Variants in METTL15 observed in about 807,000 individuals in gnomAD.
METTL15 encodes the protein methyltransferase 15, mitochondrial 12S rRNA N4-cytidine.
A neutral mutation model predicts 38.3 loss-of-function variants in METTL15; 34 were observed. The observed-to-expected ratio is 0.89, with a 90% CI of 0.68 to 1.18. The LOEUF is 1.18. Among genes scored for constraint, METTL15 ranks in the 50% most tolerant of loss-of-function variants. The pLI, the probability that METTL15 is intolerant of heterozygous loss-of-function variation, is 0.00. For synonymous variants in METTL15, 162 were observed against 170.9 expected, an observed-to-expected ratio of 0.95 and a Z score of 0.41; for missense variants, 438 against 498.4, an observed-to-expected ratio of 0.88 and a Z score of 1.15.
intron 3 of METTL15, among the ~76,000 whole-genome samples, chr11:28,138,353 T>TA (rs1849583486): frequency 6.6e-6 from 1 of 152,194 alleles, no homozygotes; most frequent in Non-Finnish European, 1.5e-5. Context: ...CCACTTTAAA[T>TA]TAAGCTGAGT....
At chr11:28,305,243 C>T (rs1857042760) in intron 6 of METTL15, among the ~76,000 whole-genome samples, 1 of 152,026 alleles carries the variant, frequency 6.6e-6, no homozygotes, top group African/African-American at 2.4e-5. Flanking sequence ...GTAACTTTTC[C>T]TAAAAAAGTC....
chr11:28,423,536 A>G (rs1446167985), intron 5 of METTL15, among the ~76,000 whole-genome samples: 2 of 152,096 alleles, frequency 1.3e-5, no homozygotes, highest in Non-Finnish European at 2.9e-5. Flanking sequence ...AAATAATGAG[A>G]CCCTATCATT....
chr11:28,316,958 C>G (rs1437184560), intron 6 of METTL15, among the ~76,000 whole-genome samples: 1 of 152,096 alleles, frequency 6.6e-6, no homozygotes, highest in Non-Finnish European at 1.5e-5. Flanking sequence ...TCGGGTACGT[C>G]TTTATCAGCA....
intron 5 of METTL15, among the ~76,000 whole-genome samples, chr11:28,392,762 G>A (rs947079187): frequency 3.3e-5 from 5 of 151,866 alleles, no homozygotes; most frequent in African/African-American, 1.2e-4. Context: ...TGTTTGAAAA[G>A]GGGTCAATAT....
At chr11:28,276,600 T>C (rs1234026629) in intron 4 of METTL15, among the ~76,000 whole-genome samples, 1 of 152,132 alleles carries the variant, frequency 6.6e-6, no homozygotes, top group East Asian at 1.9e-4. Flanking sequence ...CTAAAACTCA[T>C]GTGGAACCAA....
intron 6 of METTL15, among the ~76,000 whole-genome samples, chr11:28,443,846 A>G (rs1412727860): frequency 2.0e-5 from 3 of 152,180 alleles, no homozygotes; most frequent in Non-Finnish European, 4.4e-5. Context: ...CCCCTGGACT[A>G]ATGTAGTAGT....
intron 3 of METTL15, among the ~76,000 whole-genome samples, chr11:28,190,923 G>C (rs1365553314): frequency 6.6e-6 from 1 of 151,242 alleles, no homozygotes; most frequent in African/African-American, 2.4e-5. Flanking sequence ...GTGTAAACTG[G>C]CACTAATGAG....
At chr11:28,474,353 AATG>A (rs1851327535) in intron 6 of METTL15, among the ~76,000 whole-genome samples, 1 of 152,104 alleles carries the variant, frequency 6.6e-6, no homozygotes, top group Admixed American at 6.6e-5. Flanking sequence ...TCCAAGAAAT[AATG>A]ATAATGCCTC....
chr11:28,183,242 C>G (rs1006212422), intron 3 of METTL15, among the ~76,000 whole-genome samples: 1 of 151,880 alleles, frequency 6.6e-6, no homozygotes, highest in Non-Finnish European at 1.5e-5. Flanking sequence ...GTTTGAATAC[C>G]CTTTGTTTCT....
chr11:28,294,143 A>G (rs1856637681), intron 5 of METTL15, among the ~76,000 whole-genome samples: 1 of 152,180 alleles, frequency 6.6e-6, no homozygotes, highest in South Asian at 2.1e-4. Context: ...CAATTTTCAA[A>G]GGGAATGCTT....
At chr11:28,383,952 T>C (rs1171328417) in intron 5 of METTL15, among the ~76,000 whole-genome samples, 2 of 152,120 alleles carry the variant, frequency 1.3e-5, no homozygotes, top group Non-Finnish European at 2.9e-5. Flanking sequence ...TTCCTGATTC[T>C]CTCTCTTATC....
At chr11:28,196,519 A>C (rs909350022) in intron 3 of METTL15, among the ~76,000 whole-genome samples, 6 of 151,976 alleles carry the variant, frequency 3.9e-5, no homozygotes, top group African/African-American at 1.4e-4. Flanking sequence ...GATGTACAGC[A>C]GTGCTGCTGA....
chr11:28,322,544 C>T (rs1484799279), intron 6 of METTL15, among the ~76,000 whole-genome samples: 8 of 152,066 alleles, frequency 5.3e-5, no homozygotes. Context: ...GAGATGGACT[C>T]TCATATACTA....
chr11:28,437,608 C>T (rs887880523), intron 6 of METTL15, among the ~76,000 whole-genome samples: 7 of 152,192 alleles, frequency 4.6e-5, no homozygotes, highest in Non-Finnish European at 5.9e-5. Flanking sequence ...TCTTTTCATA[C>T]TTGAATGTCA....
chr11:28,432,858 A>G (rs544320285), intron 6 of METTL15, among the ~76,000 whole-genome samples: 1 of 151,970 alleles, frequency 6.6e-6, no homozygotes, highest in African/African-American at 2.4e-5. Flanking sequence ...ACCATAACCT[A>G]GTGAAGCATT....
chr11:28,517,118 C>T (rs989463908), intron 6 of METTL15: 2 of 152,150 alleles, frequency 1.3e-5, no homozygotes, highest in South Asian at 2.1e-4. Flanking sequence ...GAATGTTCCG[C>T]TGAGTTGTTG....
intron 6 of METTL15, among the ~76,000 whole-genome samples, chr11:28,430,586 C>T (rs1445488086): frequency 1.4e-4 from 6 of 42,164 alleles, no homozygotes; most frequent in African/African-American, 2.7e-4. Flanking sequence ...CCGCCCCGTC[C>T]GGGAGGGAGG....
intron 5 of METTL15, among the ~76,000 whole-genome samples, chr11:28,388,419 C>T (rs1323799746): frequency 6.6e-6 from 1 of 151,852 alleles, no homozygotes; most frequent in African/African-American, 2.4e-5. Flanking sequence ...ATACACAGAA[C>T]AAGGCAAAAA....
At position 28,113,376 on chromosome 11, in the gene METTL15, C is replaced by T; in HGVS notation, c.42C>T (p.Cys14=). Residue 14 remains cysteine, a synonymous_variant, in exon 3 of 7, where the codon TGC becomes TGT. Coordinates refer to ENST00000407364, the MANE Select transcript of METTL15 (RefSeq NM_001113528.2). ...ATTTTTGTAGAATGTATAAAGAATG[C>T]CTTTCATGTTGGTTGGAATCTGGCA... ...YPYFCRMYKE[C]LSCWLESGIP... 5.0e-6 allele frequency: 8 copies of T among 1,591,262 alleles called. No homozygotes were observed. The highest frequency in any genetic ancestry group is 6.9e-6 in the Non-Finnish European group (8 of 1,167,776).
Sources: gnomAD v4.1 joint callset for allele counts (sites outside exome capture counted in the v4.1 genomes callset) on GRCh38, gnomAD v4.1.1 for gene constraint, MANE v1.5 for transcripts, NCBI Gene and HGNC (gene_info 2026-07-23, HGNC 2026-07-21) for gene names.